Variants in TRIM54 observed in about 807,000 individuals in gnomAD.
TRIM54 encodes tripartite motif-containing protein 54.
Under a neutral mutation model 42.0 loss-of-function variants are expected in TRIM54, and 40 were observed. The observed-to-expected ratio is 0.95, with a 90% CI of 0.74 to 1.24. The LOEUF is 1.24. Among genes scored for constraint, TRIM54 ranks in the 50% most tolerant of loss-of-function variants. The probability of loss-of-function intolerance (pLI) is 0.00; values close to 1 mark genes in which losing one functional copy is unlikely to be tolerated. For synonymous variants in TRIM54, 199 were observed against 194.9 expected (o/e 1.02, Z -0.17); for missense variants, 485 against 480.3 (o/e 1.01, Z -0.09).
intron 3 of TRIM54, among the ~76,000 whole-genome samples, chr2:27,303,871 A>G (rs1017913943): frequency 6.6e-6 from 1 of 150,972 alleles, no homozygotes; most frequent in African/African-American, 2.5e-5. Context: ...AATGCTTTTT[A>G]AAAAAAGATG....
At chr2:27,300,001 G>A (rs1004869828) in intron 3 of TRIM54, among the ~76,000 whole-genome samples, 1 of 151,294 alleles carries the variant, frequency 6.6e-6, no homozygotes, top group African/African-American at 2.4e-5. Flanking sequence ...AGAGATGTGG[G>A]GATCTCTGTC....
chr2:27,303,548 TA>T (rs776985705), intron 3 of TRIM54, among the ~76,000 whole-genome samples: 580 of 138,278 alleles, frequency 4.2e-3, no homozygotes, highest in East Asian at 7.8e-3. Flanking sequence ...AGACTCCGTC[TA>T]AAAAAAAAAA....
Position 27,291,526 on chromosome 2 carries a change from C to G in TRIM54, c.169-7041C>G, listed in dbSNP as rs535043233. 4.6e-5 allele frequency among the ~76,000 whole-genome samples: 7 copies of G among 152,286 alleles called. No individual in the cohort carries two copies. In the South Asian group the frequency reaches 1.2e-3, roughly 27 times the overall value. ...ATCTTGAACATCCATCCCCATACCACCTCCAATCTTCATGCTTGTCATCAG... is the reference window on the plus strand; with the variant it reads ...ATCTTGAACATCCATCCCCATACCAGCTCCAATCTTCATGCTTGTCATCAG... On this transcript the variant is annotated intron_variant, in intron 1 of 8. Transcript: ENST00000380075.
At position 27,296,079 on chromosome 2, in the gene TRIM54, G is replaced by T. The variant is rs1429748966; in HGVS notation, c.169-2488G>T. On this transcript the variant is annotated intron_variant, in intron 1 of 8. Coordinates refer to ENST00000380075, the MANE Select transcript of TRIM54 (RefSeq NM_187841.3). ...TCCCAAGAAAGATGTGATATTTATG[G>T]CACACACCAGTTACTCTCCCCAAGA... Among the ~76,000 whole-genome samples the T allele has an allele frequency of 3.3e-5, 5 of 152,218 alleles. No homozygotes were observed. The East Asian group carries it at 5.8e-4, about 18-fold the overall frequency.
At position 27,307,057 on chromosome 2, in the gene TRIM54, C is replaced by G. The variant is rs568713402; in HGVS notation, c.*172C>G. The G allele has an allele frequency of 4.4e-6, 1 of 227,892 alleles. No individual in the cohort carries two copies. Among genetic ancestry groups the G allele is most frequent in the East Asian group, 1.3e-4 (1 of 7,576 alleles). The allele number at this position is 227,892 out of a possible 1,614,324, so 14.1% of individuals were successfully genotyped here. A position where few individuals can be genotyped will look rare whatever the true frequency, so the allele number is the denominator to read the frequency against. ...CTGCCCAACCCCGCAGCCTGGGCTTCGAAGGCGACCCGCCCACCATCCTGC... is the reference window on the plus strand; with the variant it reads ...CTGCCCAACCCCGCAGCCTGGGCTTGGAAGGCGACCCGCCCACCATCCTGC... On this transcript the variant is annotated 3_prime_UTR_variant, in exon 9 of 9. Transcript: ENST00000380075. The surrounding 1 kb of genome is among the most constrained non-coding windows in gnomAD (Gnocchi z 6.9).
At chr2:27,299,702 A>ATCTG (rs1363081496) in intron 3 of TRIM54, 3 of 610,142 alleles carry the variant, frequency 4.9e-6, no homozygotes, top group Admixed American at 5.9e-5. Flanking sequence ...CTATCTATCT[A>ATCTG]TCTATCTATC....
At chr2:27,298,336 G>T (rs1284895604) in intron 1 of TRIM54, among the ~76,000 whole-genome samples, 1 of 152,180 alleles carries the variant, frequency 6.6e-6, no homozygotes, top group African/African-American at 2.4e-5. Context: ...AGTTCTGGAT[G>T]CAGGGGCACT....
At chr2:27,300,818 A>AT (rs1679016093) in intron 3 of TRIM54, among the ~76,000 whole-genome samples, 1 of 152,050 alleles carries the variant, frequency 6.6e-6, no homozygotes, top group Admixed American at 6.6e-5. Context: ...GTGAGCCATG[A>AT]TTGCACCACG....
chr2:27,299,204 T>G, intron 2 of TRIM54, 41 bp from the exon 3 acceptor site: 1 of 1,608,020 alleles, frequency 6.2e-7, no homozygotes, highest in Non-Finnish European at 8.5e-7. Context: ...CTAGGACCCT[T>G]CATGCTTAAG....
chr2:27,288,303 C>A (rs1254165777), intron 1 of TRIM54, among the ~76,000 whole-genome samples: 1 of 152,184 alleles, frequency 6.6e-6, no homozygotes, highest in Non-Finnish European at 1.5e-5. Flanking sequence ...CAAATTAGCA[C>A]CTCTCTGGAT....
intron 3 of TRIM54, 77 bp from the exon 4 acceptor site, chr2:27,304,882 A>G: frequency 7.3e-7 from 1 of 1,361,104 alleles, no homozygotes; most frequent in Non-Finnish European, 1.0e-6. Flanking sequence ...GCCCTCTCCT[A>G]GGCAACCCTG....
intron 3 of TRIM54, 79 bp from the exon 4 acceptor site, chr2:27,304,880 C>T (rs1679144124): frequency 1.5e-6 from 2 of 1,353,332 alleles, no homozygotes; most frequent in Non-Finnish European, 2.1e-6. Flanking sequence ...CAGCCCTCTC[C>T]TAGGCAACCC....
intron 1 of TRIM54, among the ~76,000 whole-genome samples, chr2:27,291,637 C>G (rs1678723757): frequency 6.6e-6 from 1 of 152,156 alleles, no homozygotes; most frequent in African/African-American, 2.4e-5. Flanking sequence ...ATAAATTTTA[C>G]TATTTTATTA....
chr2:27,298,822 T>C lies in TRIM54; in HGVS notation c.341+83T>C, dbSNP rs145478927. 2.4e-3 allele frequency: 3,464 copies of C among 1,441,394 alleles called. 12 individuals carry two copies. Among genetic ancestry groups the C allele is most frequent in the Middle Eastern group, 0.015 (82 of 5,590 alleles). The allele number at this position is 1,441,394 out of a possible 1,614,324, so 89.3% of individuals were successfully genotyped here. ...ACCCATCAGAGCCAAAAGGGAGAGA[T>C]TGAAACGGTCAACCTGCCTGTTCTG... On this transcript the variant is annotated intron_variant, in intron 2 of 8. Transcript: ENST00000380075.
At chr2:27,296,261 T>C (rs898133005) in intron 1 of TRIM54, among the ~76,000 whole-genome samples, 16 of 152,142 alleles carry the variant, frequency 1.1e-4, no homozygotes, top group Non-Finnish European at 2.2e-4. Context: ...TTCTGGTTTG[T>C]GTATGGTGTA....
In TRIM54 at chr2:27,285,682, C is replaced by T. The variant is rs115622604; in HGVS notation, c.168+2783C>T. On this transcript the variant is annotated intron_variant, in intron 1 of 8. Coordinates refer to ENST00000380075, the MANE Select transcript of TRIM54 (RefSeq NM_187841.3). ...CCCCACCTGCCTTTGTTCACTTACT[C>T]GCTGTGGGTGATTGTTCCATATCCA... Among the ~76,000 whole-genome samples the T allele has an allele frequency of 5.0e-3, 768 of 152,290 alleles. 4 individuals are homozygous for T. The highest frequency in any genetic ancestry group is 0.018 in the African/African-American group (729 of 41,560).
chr2:27,302,744 T>C (rs1053256217), intron 3 of TRIM54, among the ~76,000 whole-genome samples: 2 of 152,072 alleles, frequency 1.3e-5, no homozygotes, highest in African/African-American at 4.8e-5. Context: ...TGAGCTGAGA[T>C]TGCGCCATTG....
intron 1 of TRIM54, among the ~76,000 whole-genome samples, chr2:27,285,930 A>G (rs1288052231): frequency 2.0e-5 from 3 of 152,006 alleles, no homozygotes; most frequent in Non-Finnish European, 4.4e-5. Flanking sequence ...TTTGAAAACA[A>G]TTTATTTAAA....
At chr2:27,303,761 T>C (rs1679103525) in intron 3 of TRIM54, among the ~76,000 whole-genome samples, 2 of 151,974 alleles carry the variant, frequency 1.3e-5, no homozygotes, top group Admixed American at 1.3e-4. Flanking sequence ...ACGTAATCCA[T>C]GAGTGAAGTC....
Sources: allele counts gnomAD v4.1 joint callset (sites outside exome capture counted in the v4.1 genomes callset), GRCh38; gene constraint gnomAD v4.1.1; non-coding constraint Gnocchi (gnomAD v3.1); transcripts MANE v1.5; gene names NCBI Gene and HGNC (gene_info 2026-07-23, HGNC 2026-07-21).